The following TENM4 variants were observed in gnomAD, a reference collection of about 807,000 sequenced individuals.
TENM4 encodes teneurin transmembrane protein 4.
TENM4 carries 82 observed loss-of-function variants against 243.3 expected under a neutral mutation model. The ratio of observed to expected loss-of-function variants is 0.34; its 90% CI spans 0.28 to 0.40. The LOEUF is 0.40. TENM4 is among the 10% of genes least tolerant of loss of function. The pLI is 1.00. For missense variants in TENM4, 3,138 were observed against 3,673.3 expected (o/e 0.85, Z 3.77); for synonymous variants, 1,412 against 1,456.3 (o/e 0.97, Z 0.69).
At chr11:78,903,189 G>A in intron 7 of TENM4, 79 bp downstream of exon 7, 3 of 1,434,686 alleles carry the variant, frequency 2.1e-6, no homozygotes. Context: ...GACACTGAAT[G>A]GCCCCGCCAG....
intron 4 of TENM4, among the ~76,000 whole-genome samples, chr11:79,084,129 G>A (rs996365364): frequency 4.6e-5 from 7 of 152,100 alleles, no homozygotes; most frequent in South Asian, 2.1e-4. Context: ...ATTCACCATC[G>A]TTAGCCATCA....
intron 1 of TENM4, among the ~76,000 whole-genome samples, chr11:79,299,840 C>G (rs1856522119): frequency 6.6e-6 from 1 of 152,214 alleles, no homozygotes; most frequent in Non-Finnish European, 1.5e-5. Flanking sequence ...TTCCTGTCAT[C>G]TGGTTTTAAA....
intron 6 of TENM4, among the ~76,000 whole-genome samples, chr11:79,015,994 A>G (rs943613263): frequency 6.6e-6 from 1 of 152,184 alleles, no homozygotes; most frequent in African/African-American, 2.4e-5. Context: ...TGTAAAAGCC[A>G]AAGGCAAGGG....
intron 4 of TENM4, among the ~76,000 whole-genome samples, chr11:79,073,680 G>C (rs1409641210): frequency 6.6e-6 from 1 of 152,120 alleles, no homozygotes; most frequent in Non-Finnish European, 1.5e-5. Context: ...CCGGCTGAAT[G>C]ACCTTGGGCA....
intron 4 of TENM4, among the ~76,000 whole-genome samples, chr11:79,089,451 G>A (rs11237715): frequency 0.057 from 8,639 of 152,266 alleles, 322 homozygotes; most frequent in East Asian, 0.21. Context: ...CTAAAAGAAA[G>A]AGTCTGGGCT....
At chr11:78,729,847 A>T (rs1460343292) in intron 21 of TENM4, among the ~76,000 whole-genome samples, 1 of 152,022 alleles carries the variant, frequency 6.6e-6, no homozygotes. Flanking sequence ...GGAAGGGAAA[A>T]GCATAAATGA....
intron 4 of TENM4, among the ~76,000 whole-genome samples, chr11:79,110,797 T>C (rs1374391903): frequency 2.0e-5 from 3 of 152,110 alleles, no homozygotes; most frequent in African/African-American, 4.8e-5. Context: ...ATCTGAGAGA[T>C]AGGCCCTTTG....
intron 3 of TENM4, among the ~76,000 whole-genome samples, chr11:79,174,951 C>A (rs1296952610): frequency 6.6e-6 from 1 of 152,180 alleles, no homozygotes; most frequent in African/African-American, 2.4e-5. Context: ...CCCCATATGA[C>A]AATGCCACTG....
chr11:79,416,347 C>A (rs1357702502), intron 1 of TENM4, among the ~76,000 whole-genome samples: 1 of 152,194 alleles, frequency 6.6e-6, no homozygotes, highest in East Asian at 1.9e-4. Flanking sequence ...TCTCCTTTTA[C>A]ATTTCTGTTG....
chr11:78,676,088 C>A (rs900516767), intron 30 of TENM4, 64 bp downstream of exon 30: 17 of 1,378,856 alleles, frequency 1.2e-5, no homozygotes, highest in African/African-American at 1.2e-4. Flanking sequence ...AAGAACAGAG[C>A]CCCGTTCTCC....
In TENM4 at chr11:79,285,447, G is replaced by T. The variant is rs148013159; in HGVS notation, c.-265+12041C>A. On this transcript the variant is annotated intron_variant, in intron 2 of 33. Coordinates refer to ENST00000278550, the MANE Select transcript of TENM4 (RefSeq NM_001098816.3). ...CGTAGCTATATTTGAAAATAGGTTG[G>T]CAGTTGCTAAAAATGTTAATCATAG... is the stretch of plus-strand genomic sequence containing the variant. 3.3e-5 allele frequency among the ~76,000 whole-genome samples: 5 copies of T among 152,276 alleles called. No individual in the cohort carries two copies. In the East Asian group the frequency reaches 9.6e-4, roughly 29 times the overall value.
chr11:78,774,160 T>C lies in TENM4; in HGVS notation c.2393-3022A>G, dbSNP rs562793926. 9.2e-5 allele frequency among the ~76,000 whole-genome samples: 14 copies of C among 152,340 alleles called. No homozygotes were observed. The South Asian group carries it at 1.0e-3, about 11-fold the overall frequency. ...TGAGAGTATTAAATGAGATAATATATATCAATTATTTATCACAGTGGGTAA... is the reference window on the plus strand; with the variant it reads ...TGAGAGTATTAAATGAGATAATATACATCAATTATTTATCACAGTGGGTAA... On this transcript the variant is annotated intron_variant, in intron 17 of 33. Coordinates refer to ENST00000278550, the MANE Select transcript of TENM4 (RefSeq NM_001098816.3).
intron 33 of TENM4, among the ~76,000 whole-genome samples, chr11:78,659,707 G>T (rs552829244): frequency 6.6e-6 from 1 of 152,160 alleles, no homozygotes; most frequent in Non-Finnish European, 1.5e-5. Flanking sequence ...CTGCCCCACC[G>T]TGCTTCCTTG....
In TENM4 at chr11:79,299,186, C is replaced by A. The variant is rs1013434690; in HGVS notation, c.-320-1643G>T. Among the ~76,000 whole-genome samples the A allele has an allele frequency of 2.6e-5, 4 of 152,124 alleles. No homozygotes were observed. In the East Asian group the frequency reaches 7.7e-4, roughly 29 times the overall value. ...TACTATGCCAACTCCCAGTGGTGCC[C>A]CTGCTACACTTTGGGGAGCTGGTCT... is the stretch of plus-strand genomic sequence containing the variant. On this transcript the variant is annotated intron_variant, in intron 1 of 33. Coordinates refer to ENST00000278550, the MANE Select transcript of TENM4 (RefSeq NM_001098816.3).
intron 12 of TENM4, among the ~76,000 whole-genome samples, chr11:78,817,828 G>A (rs1260913258): frequency 2.0e-5 from 3 of 151,964 alleles, no homozygotes; most frequent in Non-Finnish European, 2.9e-5. Flanking sequence ...ATGATCTTTC[G>A]GTACCTGTCT....
rs560847856 is a variant in TENM4, at chr11:79,340,443, A to G, written c.-320-42900T>C. On this transcript the variant is annotated intron_variant, in intron 1 of 33. Transcript: ENST00000278550. ...CTCTTGATGGCCAGACATACACACT[A>G]CAAGCTGGAAAATGATACTCTTGAG... Among the ~76,000 whole-genome samples, 120 of 152,252 alleles carry G rather than the reference A, an allele frequency of 7.9e-4. 1 individual carries two copies. Among genetic ancestry groups the G allele is most frequent in the Non-Finnish European group, 1.4e-3 (92 of 68,014 alleles).
intron 6 of TENM4, among the ~76,000 whole-genome samples, chr11:78,907,801 G>T (rs1376261246): frequency 6.6e-6 from 1 of 152,184 alleles, no homozygotes; most frequent in Admixed American, 6.5e-5. Flanking sequence ...CTACCTGGGA[G>T]TACACATTGG....
chr11:79,368,521 AAGGATGTTT>A (rs1248965064), intron 1 of TENM4, among the ~76,000 whole-genome samples: 1 of 152,242 alleles, frequency 6.6e-6, no homozygotes, highest in African/African-American at 2.4e-5. Flanking sequence ...CTGAAAGGGC[AAGGATGTTT>A]AGACTATGTC....
chr11:79,349,798 A>C (rs995934388), intron 1 of TENM4, among the ~76,000 whole-genome samples: 12 of 152,192 alleles, frequency 7.9e-5, no homozygotes, highest in Non-Finnish European at 1.3e-4. Context: ...TTGCTGAATA[A>C]ATATCTGAAA....
Sources: allele counts gnomAD v4.1 joint callset (sites outside exome capture counted in the v4.1 genomes callset), GRCh38; gene constraint gnomAD v4.1.1; transcripts MANE v1.5; gene names NCBI Gene and HGNC (gene_info 2026-07-23, HGNC 2026-07-21).